Variants in METAP1 observed in about 807,000 individuals in gnomAD.
The protein encoded by METAP1 is methionyl aminopeptidase 1.
A neutral mutation model predicts 53.8 loss-of-function variants in METAP1; 28 were observed. That is an observed-to-expected ratio of 0.52 (90% CI 0.39 to 0.71). The LOEUF (loss-of-function observed/expected upper bound fraction) is 0.71. Ranked by LOEUF, METAP1 falls within the 30% of genes least tolerant of loss-of-function variation. The probability of loss-of-function intolerance (pLI) is 0.00; values close to 1 mark genes in which losing one functional copy is unlikely to be tolerated. For missense variants in METAP1, 389 were observed against 479.8 expected (o/e 0.81, Z 1.77); for synonymous variants, 181 against 165.7 (o/e 1.09, Z -0.71).
rs1210714071 is a variant in METAP1, at chr4:99,045,291, G to C, written c.768G>C (p.Leu256=). 2.5e-6 allele frequency: 4 copies of C among 1,613,772 alleles called. No homozygotes were observed. The highest frequency in any genetic ancestry group is 3.4e-6 in the Non-Finnish European group (4 of 1,179,782). ...RKLVQTTYEC[L]MQAIDAVKPG... ...TTGTTCAGACCACATATGAGTGCCT[G>C]ATGCAAGCCATTGATGCAGGTCAGC... The change falls in exon 8 of 11, where the codon CTG becomes CTC. Residue 256 remains leucine, a synonymous_variant. Coordinates refer to ENST00000296411, the MANE Select transcript of METAP1 (RefSeq NM_015143.3).
chr4:99,034,881 G>GTA (rs1725317536), intron 3 of METAP1, among the ~76,000 whole-genome samples: 1 of 152,134 alleles, frequency 6.6e-6, no homozygotes. Context: ...ATTCTTGGCA[G>GTA]ATAGGACTTG....
intron 1 of METAP1, among the ~76,000 whole-genome samples, chr4:99,024,236 T>C (rs374085059): frequency 2.6e-5 from 4 of 152,184 alleles, no homozygotes; most frequent in Admixed American, 2.0e-4. Flanking sequence ...CAATTGATCA[T>C]GACCCTCTCA....
intron 8 of METAP1, among the ~76,000 whole-genome samples, chr4:99,047,391 T>G (rs1726346967): frequency 6.6e-6 from 1 of 152,140 alleles, no homozygotes; most frequent in Admixed American, 6.5e-5. Flanking sequence ...AGTTTGAAAA[T>G]TAGGGAAGAC....
At chr4:99,009,214 G>A (rs1723344413) in intron 1 of METAP1, among the ~76,000 whole-genome samples, 2 of 152,120 alleles carry the variant, frequency 1.3e-5, no homozygotes, top group Non-Finnish European at 2.9e-5. Flanking sequence ...CCTTTGTAAG[G>A]CTGCATAGTA....
intron 5 of METAP1, among the ~76,000 whole-genome samples, chr4:99,040,214 G>T (rs1725758760): frequency 1.3e-5 from 2 of 152,020 alleles, no homozygotes; most frequent in Admixed American, 1.3e-4. Context: ...ATAGGACAGA[G>T]TTTAAGGCTC....
chr4:99,009,242 C>T (rs1459937820), intron 1 of METAP1, among the ~76,000 whole-genome samples: 3 of 152,112 alleles, frequency 2.0e-5, no homozygotes, highest in Non-Finnish European at 2.9e-5. Flanking sequence ...TTATGTGTAC[C>T]GCATGTTGTG....
At chr4:99,059,953 A>G (rs1727422280) in intron 10 of METAP1, among the ~76,000 whole-genome samples, 1 of 152,182 alleles carries the variant, frequency 6.6e-6, no homozygotes, top group South Asian at 2.1e-4. Context: ...TTGTGTGCCT[A>G]CCATTTTGAA....
intron 1 of METAP1, among the ~76,000 whole-genome samples, chr4:99,004,602 A>G (rs960601207): frequency 1.3e-5 from 2 of 152,128 alleles, no homozygotes; most frequent in African/African-American, 2.4e-5. Context: ...TAAAAAGAAC[A>G]TTACCAGGAA....
At chr4:99,007,436 GTA>G (rs1362947745) in intron 1 of METAP1, among the ~76,000 whole-genome samples, 3 of 152,120 alleles carry the variant, frequency 2.0e-5, no homozygotes, top group Non-Finnish European at 4.4e-5. Context: ...CACTTGGAGA[GTA>G]TGCATTTTCT....
intron 1 of METAP1, among the ~76,000 whole-genome samples, chr4:98,997,176 G>A (rs983982079): frequency 1.3e-5 from 2 of 152,136 alleles, no homozygotes; most frequent in Non-Finnish European, 2.9e-5. Flanking sequence ...AATAATAAAA[G>A]TGTTTTCCAA....
At chr4:99,025,145 C>T (rs930650504) in intron 1 of METAP1, among the ~76,000 whole-genome samples, 2 of 152,210 alleles carry the variant, frequency 1.3e-5, no homozygotes, top group African/African-American at 4.8e-5. Context: ...TCCTAACAGG[C>T]CACTGACCAG....
At chr4:99,026,609 A>G in intron 1 of METAP1, 1 of 985,396 alleles carries the variant, frequency 1.0e-6, no homozygotes, top group Non-Finnish European at 1.2e-6. Context: ...TGAGGAGGGA[A>G]AGATTGCCCT....
chr4:99,049,112 A>G (rs537438941), intron 9 of METAP1, among the ~76,000 whole-genome samples: 1 of 152,332 alleles, frequency 6.6e-6, no homozygotes, highest in Admixed American at 6.5e-5. Flanking sequence ...TATGTGACAC[A>G]GGCTGTGTCA....
At chr4:99,022,067 A>T (rs1724148001) in intron 1 of METAP1, among the ~76,000 whole-genome samples, 1 of 152,190 alleles carries the variant, frequency 6.6e-6, no homozygotes, top group South Asian at 2.1e-4. Context: ...GGCAACCAAG[A>T]GTCAAAACAA....
At chr4:99,035,488 T>A (rs1169287132) in intron 4 of METAP1, 28 bp downstream of exon 4, 1 of 1,508,116 alleles carries the variant, frequency 6.6e-7, no homozygotes, top group Non-Finnish European at 9.0e-7. Context: ...GATTCTTCAT[T>A]TTTCAATTTG....
chr4:98,997,009 G>A (rs1195901252), intron 1 of METAP1, among the ~76,000 whole-genome samples: 1 of 152,152 alleles, frequency 6.6e-6, no homozygotes, highest in Non-Finnish European at 1.5e-5. Flanking sequence ...TTCTTTGTAA[G>A]TTTCACAAGC....
At chr4:99,046,959 GAAAA>G (rs1333963162) in intron 8 of METAP1, among the ~76,000 whole-genome samples, 7 of 115,288 alleles carry the variant, frequency 6.1e-5, no homozygotes, top group Admixed American at 8.5e-5. Flanking sequence ...AAAAAAAAAA[GAAAA>G]AGAAAAAACC....
chr4:99,061,513 T>C lies in METAP1; in HGVS notation c.*196T>C. 2.2e-6 allele frequency: 1 copy of C among 448,180 alleles called. No individual in the cohort carries two copies. Among genetic ancestry groups the C allele is most frequent in the Non-Finnish European group, 3.8e-6 (1 of 260,806 alleles). 27.8% of individuals were successfully genotyped at this position (448,180 alleles called of 1,614,324 possible). A position where few individuals can be genotyped will look rare whatever the true frequency, so the allele number is the denominator to read the frequency against. ...AAGCTGAGAAGAATAAAGGAAACATTGCTCAACTCTTCAGCCCCCTCCCCC... is the reference window on the plus strand; with the variant it reads ...AAGCTGAGAAGAATAAAGGAAACATCGCTCAACTCTTCAGCCCCCTCCCCC... On this transcript the variant is annotated 3_prime_UTR_variant, in exon 11 of 11. Transcript: ENST00000296411.
At chr4:99,027,405 A>G (rs1724638070) in intron 1 of METAP1, among the ~76,000 whole-genome samples, 2 of 152,110 alleles carry the variant, frequency 1.3e-5, no homozygotes, top group African/African-American at 4.8e-5. Context: ...TTCAAGGACA[A>G]GTGGCCTGGG....
Sources: allele counts gnomAD v4.1 joint callset (sites outside exome capture counted in the v4.1 genomes callset), GRCh38; gene constraint gnomAD v4.1.1; transcripts MANE v1.5; gene names NCBI Gene and HGNC (gene_info 2026-07-23, HGNC 2026-07-21).